The following ASTN1 variants were observed in gnomAD, a reference collection of about 807,000 sequenced individuals.
The protein encoded by ASTN1 is astrotactin-1.
A neutral mutation model predicts 140.7 loss-of-function variants in ASTN1; 41 were observed. The observed-to-expected ratio is 0.29, with a 90% CI of 0.23 to 0.38. The LOEUF (loss-of-function observed/expected upper bound fraction) is 0.38, where lower values mean the gene tolerates loss of function less well. ASTN1 is among the 10% of genes least tolerant of loss of function. The pLI is 1.00. For missense variants in ASTN1, 1,479 were observed against 1,678.8 expected, an observed-to-expected ratio of 0.88 and a Z score of 2.08; for synonymous variants, 640 against 652.2, an observed-to-expected ratio of 0.98 and a Z score of 0.29.
intron 1 of ASTN1, among the ~76,000 whole-genome samples, chr1:177,121,097 T>C (rs201788892): frequency 6.5e-4 from 99 of 152,158 alleles, no homozygotes; most frequent in African/African-American, 1.9e-3. Context: ...TATATATATA[T>C]ACATGCACTA....
At chr1:176,998,819 C>T (rs1341211371) in intron 8 of ASTN1, among the ~76,000 whole-genome samples, 5 of 152,152 alleles carry the variant, frequency 3.3e-5, no homozygotes, top group African/African-American at 7.2e-5. Flanking sequence ...CAGGCGGCAC[C>T]GTGACGGTTT....
chr1:176,957,838 G>GAA lies in ASTN1; in HGVS notation c.1737-12_1737-11dup. The GAA allele has an allele frequency of 6.2e-7, 1 of 1,612,628 alleles. No homozygotes were observed. The highest frequency in any genetic ancestry group is 8.5e-7 in the Non-Finnish European group (1 of 1,179,330). On this transcript the variant is annotated splice_polypyrimidine_tract_variant and intron_variant, in intron 10 of 22. Transcript: ENST00000361833. Reference sequence around the variant, plus strand: ...AGTCATCAGCTCCTCTCTGTGGGGAGAAAGAGTGGGAAGCAGGGAGGAGTC... The same window carrying GAA: ...AGTCATCAGCTCCTCTCTGTGGGGAGAAAAAGAGTGGGAAGCAGGGAGGAGTC...
At chr1:176,981,211 CAAAAAAAAAAAAAAAA>C (rs35209486) in intron 8 of ASTN1, among the ~76,000 whole-genome samples, 7 of 24,062 alleles carry the variant, frequency 2.9e-4, no homozygotes, top group South Asian at 6.5e-3. Flanking sequence ...GACTCTGTCT[CAAAAAAAAAAAAAAAA>C]AAAAAAAAAA....
chr1:177,101,644 TA>T (rs1170393144), intron 1 of ASTN1, among the ~76,000 whole-genome samples: 1 of 152,208 alleles, frequency 6.6e-6, no homozygotes, highest in Non-Finnish European at 1.5e-5. Context: ...CTATCTTTGT[TA>T]AAATCCATTG....
chr1:176,893,963 A>G (rs1032822790), intron 17 of ASTN1, among the ~76,000 whole-genome samples: 5 of 152,166 alleles, frequency 3.3e-5, no homozygotes, highest in African/African-American at 1.2e-4. Context: ...GAGGCAAAGG[A>G]GGAGTGGTTG....
At chr1:176,974,479 G>C (rs558217281) in intron 8 of ASTN1, among the ~76,000 whole-genome samples, 1 of 151,058 alleles carries the variant, frequency 6.6e-6, no homozygotes, top group Non-Finnish European at 1.5e-5. Flanking sequence ...TCCGCCTCCC[G>C]GGTTCAAGCG....
At chr1:176,934,786 T>C (rs1330955293) in intron 15 of ASTN1, among the ~76,000 whole-genome samples, 3 of 152,122 alleles carry the variant, frequency 2.0e-5, no homozygotes, top group Non-Finnish European at 2.9e-5. Context: ...ACTTCTGTTG[T>C]GTGCATGTGG....
At chr1:177,016,279 G>A (rs913118933) in intron 7 of ASTN1, among the ~76,000 whole-genome samples, 33 of 142,546 alleles carry the variant, frequency 2.3e-4, no homozygotes, top group African/African-American at 7.8e-4. Flanking sequence ...TCAGCTCAAT[G>A]TTCTGAGAAG....
intron 7 of ASTN1, among the ~76,000 whole-genome samples, chr1:177,020,572 C>A (rs1675774047): frequency 6.6e-6 from 1 of 152,190 alleles, no homozygotes; most frequent in African/African-American, 2.4e-5. Context: ...AATCTTCCCC[C>A]CAAATCTCCC....
intron 13 of ASTN1, 112 bp downstream of exon 13, chr1:176,945,814 G>T: frequency 9.2e-7 from 1 of 1,087,710 alleles, no homozygotes; most frequent in Non-Finnish European, 1.3e-6. Flanking sequence ...TATCCCTTTA[G>T]ACATATCATA....
intron 1 of ASTN1, among the ~76,000 whole-genome samples, chr1:177,144,584 C>A (rs1230566711): frequency 1.4e-5 from 2 of 147,368 alleles, no homozygotes; most frequent in Middle Eastern, 3.4e-3. Context: ...TATCTCTGAG[C>A]TTGTTTAACA....
At chr1:177,116,789 T>G (rs1681111373) in intron 1 of ASTN1, among the ~76,000 whole-genome samples, 1 of 152,196 alleles carries the variant, frequency 6.6e-6, no homozygotes, top group Non-Finnish European at 1.5e-5. Context: ...ATTTGACCCT[T>G]GCTCTCCTAA....
intron 1 of ASTN1, among the ~76,000 whole-genome samples, chr1:177,066,238 T>C (rs1392492471): frequency 6.6e-6 from 1 of 152,164 alleles, no homozygotes; most frequent in African/African-American, 2.4e-5. Flanking sequence ...CCAGGCCATG[T>C]TCCCACTGGA....
intron 8 of ASTN1, among the ~76,000 whole-genome samples, chr1:177,004,031 T>A (rs960784129): frequency 5.9e-5 from 9 of 152,044 alleles, no homozygotes; most frequent in African/African-American, 1.9e-4. Context: ...AAAAAAGAAG[T>A]CAAACTCTCT....
chr1:176,922,887 T>G (rs1670796432), intron 16 of ASTN1, among the ~76,000 whole-genome samples: 1 of 152,166 alleles, frequency 6.6e-6, no homozygotes, highest in Non-Finnish European at 1.5e-5. Context: ...ATTCAAATAA[T>G]GCTAATAATA....
chr1:176,917,558 C>T (rs1465681774), intron 16 of ASTN1, among the ~76,000 whole-genome samples: 1 of 152,074 alleles, frequency 6.6e-6, no homozygotes, highest in Non-Finnish European at 1.5e-5. Flanking sequence ...TGGTTTTTAG[C>T]AGAAGGGAAA....
intron 14 of ASTN1, among the ~76,000 whole-genome samples, chr1:176,941,784 G>C (rs991889322): frequency 1.3e-5 from 2 of 152,150 alleles, no homozygotes; most frequent in Non-Finnish European, 2.9e-5. Context: ...ACAGAGCCAC[G>C]TATCTTATTA....
chr1:177,089,652 C>T (rs1679645453), intron 1 of ASTN1, among the ~76,000 whole-genome samples: 1 of 152,060 alleles, frequency 6.6e-6, no homozygotes, highest in Admixed American at 6.6e-5. Context: ...TTGTCTTTGT[C>T]CCCATTCTAA....
intron 5 of ASTN1, among the ~76,000 whole-genome samples, chr1:177,028,749 CA>C (rs1054968098): frequency 2.0e-5 from 3 of 152,168 alleles, no homozygotes; most frequent in Admixed American, 6.5e-5. Context: ...AGTGCTTTAG[CA>C]ATCTCCAAAA....
Sources: gnomAD v4.1 joint callset for allele counts (sites outside exome capture counted in the v4.1 genomes callset) on GRCh38, gnomAD v4.1.1 for gene constraint, MANE v1.5 for transcripts, NCBI Gene and HGNC (gene_info 2026-07-23, HGNC 2026-07-21) for gene names.